Variants in PDE4D observed in about 807,000 individuals in gnomAD.
The protein encoded by PDE4D is 3',5'-cyclic-AMP phosphodiesterase 4D.
Under a neutral mutation model 87.4 loss-of-function variants are expected in PDE4D, and 24 were observed. The observed-to-expected ratio is 0.27, with a 90% CI of 0.20 to 0.39. The LOEUF (loss-of-function observed/expected upper bound fraction) is 0.39, where lower values mean the gene tolerates loss of function less well. Among genes scored for constraint, PDE4D ranks in the 10% least tolerant of loss-of-function variants. The pLI, the probability that PDE4D is intolerant of heterozygous loss-of-function variation, is 1.00. For missense variants in PDE4D, 714 were observed against 1,041.0 expected (o/e 0.69, Z 4.32); for synonymous variants, 384 against 383.2 (o/e 1.00, Z -0.02).
intron 1 of PDE4D, among the ~76,000 whole-genome samples, chr5:60,275,700 T>C (rs1362140743): frequency 6.6e-6 from 1 of 152,114 alleles, no homozygotes; most frequent in African/African-American, 2.4e-5. Context: ...CCTTCTTTTT[T>C]CTAGGTTCTT....
intron 1 of PDE4D, among the ~76,000 whole-genome samples, chr5:59,358,488 C>T (rs1383118312): frequency 6.6e-6 from 1 of 152,230 alleles, no homozygotes; most frequent in African/African-American, 2.4e-5. Context: ...TGATGCCAAT[C>T]TGCCCTTCTG....
At chr5:59,565,958 G>A (rs1378809740) in intron 1 of PDE4D, among the ~76,000 whole-genome samples, 2 of 152,082 alleles carry the variant, frequency 1.3e-5, no homozygotes, top group East Asian at 1.9e-4. Flanking sequence ...ATGAAACTGG[G>A]AGTGCTTTTG....
intron 2 of PDE4D, among the ~76,000 whole-genome samples, chr5:59,198,824 C>T (rs1183398630): frequency 6.6e-6 from 1 of 152,092 alleles, no homozygotes; most frequent in Non-Finnish European, 1.5e-5. Flanking sequence ...AAGCAAGAAA[C>T]TAAAAGCAAG....
At chr5:60,501,462 C>T (rs1272143497) in intron 1 of PDE4D, among the ~76,000 whole-genome samples, 17 of 151,566 alleles carry the variant, frequency 1.1e-4, no homozygotes, top group Non-Finnish European at 2.2e-4. Context: ...AATAAACATA[C>T]GTGTGCATGT....
chr5:60,064,481 A>T (rs1454389772), intron 2 of PDE4D, among the ~76,000 whole-genome samples: 1 of 152,102 alleles, frequency 6.6e-6, no homozygotes, highest in Non-Finnish European at 1.5e-5. Context: ...TTAGAAAAAA[A>T]TCCACACAGC....
At chr5:59,934,470 G>T (rs1756339729) in intron 3 of PDE4D, among the ~76,000 whole-genome samples, 1 of 152,092 alleles carries the variant, frequency 6.6e-6, no homozygotes, top group Non-Finnish European at 1.5e-5. Context: ...TGCTATAATT[G>T]CCCTGCATAA....
chr5:59,510,407 T>C (rs1810084263), intron 1 of PDE4D, among the ~76,000 whole-genome samples: 1 of 150,842 alleles, frequency 6.6e-6, no homozygotes, highest in South Asian at 2.1e-4. Context: ...AAAACAAACA[T>C]GAATATACTA....
chr5:59,361,948 A>T (rs532424091), intron 1 of PDE4D, among the ~76,000 whole-genome samples: 2 of 152,174 alleles, frequency 1.3e-5, no homozygotes, highest in South Asian at 4.1e-4. Context: ...TGATTAATTA[A>T]TTTTTTTAAT....
intron 1 of PDE4D, among the ~76,000 whole-genome samples, chr5:59,603,198 C>A (rs1356982055): frequency 1.3e-5 from 2 of 151,872 alleles, no homozygotes; most frequent in African/African-American, 4.8e-5. Flanking sequence ...AGGAAATAAT[C>A]AACTGAGTGA....
chr5:60,035,264 A>T (rs925779954), intron 2 of PDE4D, among the ~76,000 whole-genome samples: 4 of 152,264 alleles, frequency 2.6e-5, no homozygotes, highest in African/African-American at 9.6e-5. Context: ...TCAAAAAAAA[A>T]AAAAAAGGGC....
intron 1 of PDE4D, among the ~76,000 whole-genome samples, chr5:60,295,991 T>C (rs942889656): frequency 3.2e-4 from 49 of 152,204 alleles, no homozygotes; most frequent in African/African-American, 1.2e-3. Flanking sequence ...AGCTTCATCA[T>C]AGATGGCACC....
At chr5:59,501,172 C>T (rs982524475) in intron 1 of PDE4D, among the ~76,000 whole-genome samples, 3 of 152,034 alleles carry the variant, frequency 2.0e-5, no homozygotes, top group African/African-American at 7.2e-5. Context: ...GTCTGCCTTC[C>T]GATTTTCATT....
chr5:60,227,570 A>G (rs1288077289), intron 1 of PDE4D, among the ~76,000 whole-genome samples: 3 of 122,402 alleles, frequency 2.5e-5, no homozygotes, highest in Non-Finnish European at 3.3e-5. Flanking sequence ...GAGGGAAGGG[A>G]GGAGGAGAGG....
chr5:59,880,020 T>C (rs1315195760), intron 1 of PDE4D, among the ~76,000 whole-genome samples: 1 of 152,230 alleles, frequency 6.6e-6, no homozygotes, highest in East Asian at 1.9e-4. Context: ...ATTGCAAGCG[T>C]GAGCCACTGC....
intron 1 of PDE4D, among the ~76,000 whole-genome samples, chr5:59,458,943 C>T (rs955077349): frequency 2.0e-5 from 3 of 152,182 alleles, no homozygotes; most frequent in African/African-American, 7.2e-5. Flanking sequence ...GAAAAATTAA[C>T]TACGAAGTTG....
At chr5:59,618,653 A>G (rs1309561170) in intron 1 of PDE4D, among the ~76,000 whole-genome samples, 1 of 152,192 alleles carries the variant, frequency 6.6e-6, no homozygotes, top group Non-Finnish European at 1.5e-5. Flanking sequence ...CACAGAGGAT[A>G]CAGTCAGGAG....
intron 2 of PDE4D, among the ~76,000 whole-genome samples, chr5:60,051,214 C>A (rs1770108943): frequency 6.6e-6 from 1 of 152,142 alleles, no homozygotes; most frequent in Non-Finnish European, 1.5e-5. Context: ...ACAGGACTCT[C>A]CACCCAAAAT....
Position 59,226,473 on chromosome 5 carries a change from G to A in PDE4D, c.456-10505C>T, listed in dbSNP as rs185763915. Among the ~76,000 whole-genome samples, 318 of 152,254 alleles carry A rather than the reference G, an allele frequency of 2.1e-3. 1 individual carries two copies. Among genetic ancestry groups the A allele is most frequent in the African/African-American group, 7.1e-3 (293 of 41,546 alleles). ...ACTCATAGAAGCAGGAAGTAGCATG[G>A]TGGTTGCTGGGCCTGGGTGGAGGGA... On this transcript the variant is annotated intron_variant, in intron 1 of 14. Transcript: ENST00000340635.
intron 1 of PDE4D, among the ~76,000 whole-genome samples, chr5:59,461,280 A>G (rs1438044485): frequency 6.6e-6 from 1 of 152,196 alleles, no homozygotes; most frequent in Admixed American, 6.5e-5. Context: ...ATGTATACAA[A>G]AACTCTTAGA....
Sources: gnomAD v4.1 joint callset for allele counts (sites outside exome capture counted in the v4.1 genomes callset) on GRCh38, gnomAD v4.1.1 for gene constraint, MANE v1.5 for transcripts, NCBI Gene and HGNC (gene_info 2026-07-23, HGNC 2026-07-21) for gene names.